Variants in CHST8 observed in about 807,000 individuals in gnomAD.
CHST8 encodes the protein GALNAC-4-ST1.
A neutral mutation model predicts 15.0 loss-of-function variants in CHST8; 10 were observed. The observed-to-expected ratio is 0.67, with a 90% CI of 0.41 to 1.13. CHST8 has a LOEUF of 1.13. CHST8 is among the 50% of genes most tolerant of loss of function. The probability of loss-of-function intolerance (pLI) is 0.00; values close to 1 mark genes in which losing one functional copy is unlikely to be tolerated. For missense variants in CHST8, 634 were observed against 608.2 expected, an observed-to-expected ratio of 1.04 and a Z score of -0.45; for synonymous variants, 259 against 256.6, an observed-to-expected ratio of 1.01 and a Z score of -0.09.
chr19:33,659,059 CT>C (rs71181374), intron 1 of CHST8, among the ~76,000 whole-genome samples: 2,239 of 78,518 alleles, frequency 0.029, 16 homozygotes, highest in African/African-American at 0.11. Context: ...TAGGTAATGA[CT>C]TTTTTTTTTT....
chr19:33,746,690 T>C (rs192746396), intron 3 of CHST8, among the ~76,000 whole-genome samples: 11 of 152,350 alleles, frequency 7.2e-5, no homozygotes, highest in African/African-American at 2.4e-4. Context: ...AGTGACCTAG[T>C]CACAGCCATG....
chr19:33,753,200 C>T (rs1267412446), intron 3 of CHST8, among the ~76,000 whole-genome samples: 1 of 151,948 alleles, frequency 6.6e-6, no homozygotes, highest in African/African-American at 2.4e-5. Context: ...CCAGGGGGAG[C>T]GGCCAGGAGC....
rs141136502 is a variant in CHST8 at position 33,724,602 on chromosome 19, C to T, written c.130+35211C>T. Among the ~76,000 whole-genome samples, 855 of 152,346 alleles carry T rather than the reference C, an allele frequency of 5.6e-3. 5 individuals carry two copies. Among genetic ancestry groups the T allele is most frequent in the African/African-American group, 0.019 (801 of 41,582 alleles). On this transcript the variant is annotated intron_variant, in intron 3 of 4. Transcript: ENST00000650847. Reference sequence around the variant, plus strand: ...GTGGGCGCAAGCCTGGACAGTATTGCCTGGGGCTGCATCTGCCTCGGAAGG... The same window carrying T: ...GTGGGCGCAAGCCTGGACAGTATTGTCTGGGGCTGCATCTGCCTCGGAAGG...
At chr19:33,673,990 G>T (rs1379738067) in intron 2 of CHST8, among the ~76,000 whole-genome samples, 2 of 152,198 alleles carry the variant, frequency 1.3e-5, no homozygotes, top group Admixed American at 6.5e-5. Flanking sequence ...CTGACCTCAC[G>T]TGATCTGCCC....
rs1292463217 is a variant in CHST8, at chr19:33,772,391, C to T, written c.603C>T (p.Gly201=). 2.5e-6 allele frequency: 4 copies of T among 1,608,966 alleles called. No individual in the cohort carries two copies. Among genetic ancestry groups the T allele is most frequent in the East Asian group, 2.2e-5 (1 of 44,864 alleles). The change falls in exon 5 of 5, where the codon GGC becomes GGT. Residue 201 remains glycine (G), a synonymous_variant. Coordinates refer to ENST00000650847, the MANE Select transcript of CHST8 (RefSeq NM_001127895.2). ...TCTACTGCGAGGTGCCCAAGGCCGGCTGCTCCAATTGGAAGCGGGTGCTCA... is the reference window on the plus strand; with the variant it reads ...TCTACTGCGAGGTGCCCAAGGCCGGTTGCTCCAATTGGAAGCGGGTGCTCA... ...RVLYCEVPKA[G]CSNWKRVLMV...
At chr19:33,688,043 G>A (rs1201605406) in intron 2 of CHST8, among the ~76,000 whole-genome samples, 2 of 152,198 alleles carry the variant, frequency 1.3e-5, no homozygotes, top group African/African-American at 4.8e-5. Context: ...GAAAAAGGGT[G>A]ATCCTCTCGG....
chr19:33,643,707 C>T (rs191185284), intron 1 of CHST8, among the ~76,000 whole-genome samples: 30 of 152,300 alleles, frequency 2.0e-4, no homozygotes, highest in African/African-American at 4.1e-4. Flanking sequence ...TTTTAATTAT[C>T]GTAGCTTAGG....
At chr19:33,713,358 TC>T (rs1338753121) in intron 3 of CHST8, among the ~76,000 whole-genome samples, 1 of 151,814 alleles carries the variant, frequency 6.6e-6, no homozygotes, top group Non-Finnish European at 1.5e-5. Flanking sequence ...AATGGTGCCC[TC>T]CCAGGGGAGC....
At chr19:33,633,342 G>A (rs968554306) in intron 1 of CHST8, among the ~76,000 whole-genome samples, 6 of 152,122 alleles carry the variant, frequency 3.9e-5, no homozygotes, top group Non-Finnish European at 7.4e-5. Context: ...TGGCTTTTAT[G>A]GACAGTATTG....
Position 33,689,130 on chromosome 19 carries a change from G to C in CHST8, c.-86-46G>C, listed in dbSNP as rs116055267. ...CAGTGAGCAGGGCCTACACCTGCCC[G>C]GGTGCCTCGCGCCTCGGTGATGACT... On this transcript the variant is annotated intron_variant, in intron 2 of 4. Coordinates refer to ENST00000650847, the MANE Select transcript of CHST8 (RefSeq NM_001127895.2). 1.9e-4 allele frequency: 212 copies of C among 1,112,256 alleles called. 1 individual carries two copies. Among genetic ancestry groups the C allele is most frequent in the Middle Eastern group, 1.8e-3 (6 of 3,250 alleles). 68.9% of individuals were successfully genotyped at this position (1,112,256 alleles called of 1,614,324 possible).
intron 3 of CHST8, among the ~76,000 whole-genome samples, chr19:33,746,106 G>A (rs1218308785): frequency 6.6e-6 from 1 of 152,280 alleles, no homozygotes; most frequent in South Asian, 2.1e-4. Context: ...CCTTCCAAGT[G>A]TTGCCATTTG....
chr19:33,769,393 A>G (rs1974919606), intron 3 of CHST8, among the ~76,000 whole-genome samples: 1 of 152,204 alleles, frequency 6.6e-6, no homozygotes, highest in Non-Finnish European at 1.5e-5. Context: ...GATTTCCCAT[A>G]TCTGAGACTC....
rs372979906 is a variant in CHST8 at position 33,628,320 on chromosome 19, T to A, written c.-164+6024T>A. On this transcript the variant is annotated intron_variant, in intron 1 of 4. Coordinates refer to ENST00000650847, the MANE Select transcript of CHST8 (RefSeq NM_001127895.2). Reference sequence around the variant, plus strand: ...CAGGTGACATGTGGCTGGAGACCCATCTGTGCAGGGTCTTCACAACCAGGG... The same window carrying A: ...CAGGTGACATGTGGCTGGAGACCCAACTGTGCAGGGTCTTCACAACCAGGG... Among the ~76,000 whole-genome samples the A allele has an allele frequency of 5.3e-5, 8 of 152,312 alleles. No individual in the cohort carries two copies. In the East Asian group the frequency reaches 1.5e-3, roughly 29 times the overall value.
At chr19:33,750,398 A>G (rs1173643049) in intron 3 of CHST8, among the ~76,000 whole-genome samples, 1 of 152,088 alleles carries the variant, frequency 6.6e-6, no homozygotes, top group Non-Finnish European at 1.5e-5. Flanking sequence ...TACCCCCAGG[A>G]CCCCAGGGCC....
At chr19:33,735,434 C>G (rs769323566) in intron 3 of CHST8, among the ~76,000 whole-genome samples, 1 of 152,214 alleles carries the variant, frequency 6.6e-6, no homozygotes, top group African/African-American at 2.4e-5. Context: ...CCCCTTCTCC[C>G]GACTGCCCAC....
chr19:33,684,327 C>T lies in CHST8; in HGVS notation c.-86-4849C>T, dbSNP rs1273848296. On this transcript the variant is annotated intron_variant, in intron 2 of 4. Coordinates refer to ENST00000650847, the MANE Select transcript of CHST8 (RefSeq NM_001127895.2). ...CGGACAGCAGGTAAATTGCCTTCCC[C>T]GGGAGTAGCGTGCCGCCCGGCAGGG... Among the ~76,000 whole-genome samples the T allele has an allele frequency of 4.6e-5, 7 of 151,436 alleles. No homozygotes were observed. The East Asian group carries it at 9.7e-4, about 21-fold the overall frequency.
intron 3 of CHST8, among the ~76,000 whole-genome samples, chr19:33,700,601 T>C (rs1467444583): frequency 6.6e-6 from 1 of 152,230 alleles, no homozygotes; most frequent in East Asian, 1.9e-4. Context: ...GTGGGGTCCT[T>C]GTCACAGTGT....
intron 2 of CHST8, among the ~76,000 whole-genome samples, chr19:33,683,894 G>C (rs1035122067): frequency 2.0e-5 from 3 of 152,246 alleles, no homozygotes; most frequent in African/African-American, 7.2e-5. Flanking sequence ...CAGCATTCTA[G>C]ACTCTGCCAG....
chr19:33,753,504 A>C (rs1599622512), intron 3 of CHST8, among the ~76,000 whole-genome samples: 1 of 61,430 alleles, frequency 1.6e-5, no homozygotes, highest in Non-Finnish European at 3.0e-5. Context: ...TCCCCCCTCC[A>C]TCCTCCACCA....
Sources: gnomAD v4.1 joint callset for allele counts (sites outside exome capture counted in the v4.1 genomes callset) on GRCh38, gnomAD v4.1.1 for gene constraint, MANE v1.5 for transcripts, NCBI Gene and HGNC (gene_info 2026-07-23, HGNC 2026-07-21) for gene names.